The following SH3RF1 variants were observed in gnomAD, a reference collection of about 807,000 sequenced individuals.
SH3RF1 encodes E3 ubiquitin-protein ligase SH3RF1.
A neutral mutation model predicts 74.0 loss-of-function variants in SH3RF1; 32 were observed. That is an observed-to-expected ratio of 0.43 (90% CI 0.33 to 0.58). The LOEUF is 0.58. Ranked by LOEUF, SH3RF1 falls within the 20% of genes least tolerant of loss-of-function variation. SH3RF1 has a pLI of 0.05. For missense variants in SH3RF1, 954 were observed against 1,130.9 expected (o/e 0.84, Z 2.24); for synonymous variants, 396 against 439.6 (o/e 0.90, Z 1.24).
intron 2 of SH3RF1, among the ~76,000 whole-genome samples, chr4:169,201,073 C>T (rs192325390): frequency 2.6e-5 from 4 of 152,080 alleles, no homozygotes; most frequent in Admixed American, 2.6e-4. Flanking sequence ...AGTATTGTCA[C>T]CATTTCTGAT....
chr4:169,097,718 G>A (rs1291836816), intron 11 of SH3RF1, among the ~76,000 whole-genome samples: 1 of 152,158 alleles, frequency 6.6e-6, no homozygotes, highest in African/African-American at 2.4e-5. Context: ...TTGCTTCCTG[G>A]TATTCACACT....
At chr4:169,187,810 C>T (rs186392706) in intron 2 of SH3RF1, among the ~76,000 whole-genome samples, 1 of 152,218 alleles carries the variant, frequency 6.6e-6, no homozygotes, top group East Asian at 1.9e-4. Context: ...CATCCCCCTG[C>T]AAATTCATAT....
intron 2 of SH3RF1, among the ~76,000 whole-genome samples, chr4:169,200,079 C>A (rs1394385178): frequency 6.6e-6 from 1 of 151,920 alleles, no homozygotes; most frequent in African/African-American, 2.4e-5. Flanking sequence ...AAGAGAGTAC[C>A]TACACAACGG....
At chr4:169,220,741 TAAC>T (rs1730552681) in intron 2 of SH3RF1, among the ~76,000 whole-genome samples, 1 of 152,224 alleles carries the variant, frequency 6.6e-6, no homozygotes, top group African/African-American at 2.4e-5. Context: ...TTGAACATAC[TAAC>T]AATCTGTTAC....
chr4:169,170,086 T>C (rs1734301693), intron 2 of SH3RF1, among the ~76,000 whole-genome samples: 1 of 151,966 alleles, frequency 6.6e-6, no homozygotes, highest in African/African-American at 2.4e-5. Context: ...AAAAAAAGTC[T>C]TCCAATTCAA....
chr4:169,115,271 G>C (rs1440787354), intron 10 of SH3RF1, among the ~76,000 whole-genome samples: 1 of 152,176 alleles, frequency 6.6e-6, no homozygotes, highest in East Asian at 1.9e-4. Context: ...CCATGGACCA[G>C]TACTAGCCTG....
At chr4:169,216,552 C>T (rs1292742613) in intron 2 of SH3RF1, among the ~76,000 whole-genome samples, 1 of 152,072 alleles carries the variant, frequency 6.6e-6, no homozygotes, top group African/African-American at 2.4e-5. Flanking sequence ...ATAAGAAATG[C>T]TTTCTCCGCC....
At chr4:169,270,368 C>A (rs1335481225) in intron 1 of SH3RF1, among the ~76,000 whole-genome samples, 4 of 152,116 alleles carry the variant, frequency 2.6e-5, no homozygotes, top group Non-Finnish European at 5.9e-5. Flanking sequence ...GGGCTGCGGC[C>A]CGGCCGGTCC....
rs755150869 is a variant in SH3RF1 at position 169,156,695 on chromosome 4, AG to A, written c.394-17del. The A allele has an allele frequency of 1.0e-5, 16 of 1,544,986 alleles. No individual in the cohort carries two copies. The South Asian group carries it at 1.6e-4, about 15-fold the overall frequency. On this transcript the variant is annotated splice_polypyrimidine_tract_variant and intron_variant, in intron 2 of 11. Transcript: ENST00000284637. ...GAGGTATACCCTTTAAAAAAAAAAG[AG>A]GGATGAATTTTAATAAAATAATGGT... is the stretch of plus-strand genomic sequence containing the variant.
chr4:169,131,048 T>C (rs1457906408), intron 5 of SH3RF1, among the ~76,000 whole-genome samples: 3 of 152,142 alleles, frequency 2.0e-5, no homozygotes, highest in Non-Finnish European at 1.5e-5. Context: ...AAAAATGTAA[T>C]CCCAAACATA....
intron 2 of SH3RF1, among the ~76,000 whole-genome samples, chr4:169,193,280 T>C (rs890263480): frequency 2.0e-5 from 3 of 152,204 alleles, no homozygotes; most frequent in African/African-American, 4.8e-5. Context: ...CAATAACCTA[T>C]GGAAATAGTG....
intron 2 of SH3RF1, among the ~76,000 whole-genome samples, chr4:169,252,386 T>C (rs1451663917): frequency 1.3e-5 from 2 of 152,246 alleles, no homozygotes; most frequent in African/African-American, 2.4e-5. Flanking sequence ...GAGTCAGATA[T>C]ACAATATTCC....
chr4:169,219,647 C>T (rs1730529873), intron 2 of SH3RF1, among the ~76,000 whole-genome samples: 1 of 152,136 alleles, frequency 6.6e-6, no homozygotes, highest in Non-Finnish European at 1.5e-5. Flanking sequence ...TCCTTCAGGC[C>T]TATTTGCAGG....
intron 2 of SH3RF1, among the ~76,000 whole-genome samples, chr4:169,249,260 T>C (rs962443943): frequency 6.6e-6 from 1 of 152,062 alleles, no homozygotes; most frequent in African/African-American, 2.4e-5. Context: ...AAGAGGCAAT[T>C]AGGCCATGAG....
chr4:169,185,065 G>A (rs1734580853), intron 2 of SH3RF1, among the ~76,000 whole-genome samples: 2 of 152,310 alleles, frequency 1.3e-5, no homozygotes, highest in Admixed American at 6.5e-5. Context: ...AAAAGGACAA[G>A]GTTTAATAGG....
intron 4 of SH3RF1, among the ~76,000 whole-genome samples, chr4:169,139,875 G>A (rs1733756315): frequency 6.6e-6 from 1 of 152,170 alleles, no homozygotes; most frequent in Admixed American, 6.5e-5. Context: ...AAGTAAGTTG[G>A]AGCCAATGAT....
intron 2 of SH3RF1, among the ~76,000 whole-genome samples, chr4:169,197,098 T>A (rs1159855989): frequency 6.6e-6 from 1 of 152,026 alleles, no homozygotes; most frequent in Non-Finnish European, 1.5e-5. Flanking sequence ...TTCCACCTCC[T>A]GGGTTCAAGC....
At chr4:169,145,954 A>G in intron 4 of SH3RF1, among the ~76,000 whole-genome samples, 1 of 138,582 alleles carries the variant, frequency 7.2e-6, no homozygotes, top group South Asian at 2.2e-4. Context: ...ATTATTCTAT[A>G]TAAAATATTA....
At chr4:169,121,416 G>A (rs544971988) in intron 7 of SH3RF1, among the ~76,000 whole-genome samples, 1 of 152,288 alleles carries the variant, frequency 6.6e-6, no homozygotes, top group Non-Finnish European at 1.5e-5. Context: ...ACAACACGCT[G>A]GCTTCTACAC....
Sources: allele counts gnomAD v4.1 joint callset (sites outside exome capture counted in the v4.1 genomes callset), GRCh38; gene constraint gnomAD v4.1.1; transcripts MANE v1.5; gene names NCBI Gene and HGNC (gene_info 2026-07-23, HGNC 2026-07-21).